Variants in SECISBP2L observed in about 807,000 individuals in gnomAD.
SECISBP2L encodes selenocysteine insertion sequence-binding protein 2-like.
A neutral mutation model predicts 114.7 loss-of-function variants in SECISBP2L; 43 were observed. The ratio of observed to expected loss-of-function variants is 0.38; its 90% confidence interval spans 0.29 to 0.48. SECISBP2L has a LOEUF of 0.48. SECISBP2L is among the 20% of genes least tolerant of loss of function. SECISBP2L has a pLI of 0.98. For missense variants in SECISBP2L, 1,136 were observed against 1,301.1 expected (o/e 0.87, Z 1.95); for synonymous variants, 451 against 439.7 (o/e 1.03, Z -0.32).
At position 48,988,678 on chromosome 15, in the gene SECISBP2L, C is replaced by T. The variant is rs1901909022; in HGVS notation, c.*3566G>A. ...CATTTTATTAGTACAGAAGAATCCC[C>T]ACTAGTATTTACATAGTGCAAAAAA... On this transcript the variant is annotated 3_prime_UTR_variant, in exon 18 of 18. Transcript: ENST00000559471. 1 of 454,068 alleles carries T rather than the reference C, an allele frequency of 2.2e-6. No homozygotes were observed. The highest frequency in any genetic ancestry group is 2.0e-5 in the African/African-American group (1 of 49,882). 28.1% of individuals were successfully genotyped at this position (454,068 alleles called of 1,614,324 possible). A position where few individuals can be genotyped will look rare whatever the true frequency, so the allele number is the denominator to read the frequency against.
chr15:48,998,316 G>A (rs1440474061), intron 16 of SECISBP2L, among the ~76,000 whole-genome samples: 1 of 152,178 alleles, frequency 6.6e-6, no homozygotes, highest in Non-Finnish European at 1.5e-5. Context: ...GATTTTTGAA[G>A]AGTGGTGGGT....
At chr15:48,995,616 A>C (rs1902070689) in intron 17 of SECISBP2L, among the ~76,000 whole-genome samples, 1 of 152,204 alleles carries the variant, frequency 6.6e-6, no homozygotes, top group Non-Finnish European at 1.5e-5. Context: ...ATTTTAAAAA[A>C]AGAAGAAAGG....
intron 1 of SECISBP2L, among the ~76,000 whole-genome samples, chr15:49,045,925 A>G (rs1017933882): frequency 6.6e-6 from 1 of 152,138 alleles, no homozygotes; most frequent in Non-Finnish European, 1.5e-5. Flanking sequence ...CCTTGAAAAC[A>G]CATTCCAGAG....
chr15:49,038,681 T>C lies in SECISBP2L; in HGVS notation c.25-912A>G, dbSNP rs146940333. On this transcript the variant is annotated intron_variant, in intron 1 of 17. Coordinates refer to ENST00000559471, the MANE Select transcript of SECISBP2L (RefSeq NM_001193489.2). ...ACATTGGTTTTATGCAGTTTCTATA[T>C]GTTATAGTTAACAACAAATTTAACA... Among the ~76,000 whole-genome samples the C allele has an allele frequency of 2.3e-4, 35 of 152,264 alleles. 1 individual carries two copies. Among genetic ancestry groups the C allele is most frequent in the African/African-American group, 7.9e-4 (33 of 41,578 alleles).
intron 9 of SECISBP2L, 47 bp from the exon 10 acceptor site, chr15:49,017,062 C>G (rs771929409): frequency 3.8e-6 from 6 of 1,580,922 alleles, no homozygotes; most frequent in Non-Finnish European, 5.2e-6. Context: ...CCATAAAAGT[C>G]AATCATAAGG....
chr15:48,996,303 G>C (rs545927924), intron 17 of SECISBP2L, 64 bp downstream of exon 17: 1 of 1,409,976 alleles, frequency 7.1e-7, no homozygotes, highest in East Asian at 2.3e-5. Context: ...ATAAAAGGTA[G>C]AATAGAAAGT....
At chr15:49,023,912 A>C (rs1165780331) in intron 7 of SECISBP2L, among the ~76,000 whole-genome samples, 1 of 152,236 alleles carries the variant, frequency 6.6e-6, no homozygotes, top group Non-Finnish European at 1.5e-5. Flanking sequence ...GGAGAGGAGA[A>C]GTCAAGGAGA....
rs1902462938 is a variant in SECISBP2L, at chr15:49,012,785, A to G, written c.1594T>C (p.Ser532Pro). ...VTAASFHTKD[S>P]TNRKPLTKSQ... ...TTGGTTAAAGGTTTTCTATTAGTAG[A>G]GTCTTTAGTGTGAAAAGAAGCTGCA... Residue 532 changes from serine to proline, a missense_variant, in exon 12 of 18, where the codon TCT (serine) becomes CCT (proline). Coordinates refer to ENST00000559471, the MANE Select transcript of SECISBP2L (RefSeq NM_001193489.2). The G allele has an allele frequency of 1.2e-6, 2 of 1,613,578 alleles. No homozygotes were observed. The highest frequency in any genetic ancestry group is 2.7e-5 in the African/African-American group (2 of 75,008).
intron 17 of SECISBP2L, among the ~76,000 whole-genome samples, chr15:48,994,303 T>C (rs1207527986): frequency 6.6e-6 from 1 of 152,218 alleles, no homozygotes; most frequent in Non-Finnish European, 1.5e-5. Context: ...CTACTAAATC[T>C]GTTTACTACT....
intron 14 of SECISBP2L, among the ~76,000 whole-genome samples, chr15:49,003,922 A>G (rs1902262213): frequency 6.6e-6 from 1 of 152,152 alleles, no homozygotes. Flanking sequence ...TGTCTCTGCC[A>G]GGTTTTGGTA....
intron 3 of SECISBP2L, among the ~76,000 whole-genome samples, 185 bp from the exon 4 acceptor site, chr15:49,033,285 C>T (rs955460996): frequency 2.6e-5 from 4 of 152,048 alleles, no homozygotes; most frequent in Non-Finnish European, 5.9e-5. Flanking sequence ...GCATACGAGG[C>T]TAAACAATGT....
At chr15:49,007,718 T>C (rs181881036) in intron 14 of SECISBP2L, among the ~76,000 whole-genome samples, 3 of 152,214 alleles carry the variant, frequency 2.0e-5, no homozygotes, top group Non-Finnish European at 4.4e-5. Context: ...AGGAAATATA[T>C]ACAATTTCTA....
rs370194787 is a variant in SECISBP2L, at chr15:48,992,732, C to T, written c.2818G>A (p.Ala940Thr). 7.3e-5 allele frequency: 118 copies of T among 1,614,076 alleles called. No homozygotes were observed. The highest frequency in any genetic ancestry group is 6.5e-4 in the Admixed American group (39 of 60,000). ...GGCTTCACTTCCTCTTTATCACTTG[C>T]TGTGGATTTCCCAGCACTTGTAGCT... ...TSATSAGKST[A>T]SDKEEVKPDD... is the part of the protein sequence containing the mutation. The change falls in exon 18 of 18, where the codon GCA (alanine) becomes ACA (threonine). Residue 940 changes from alanine (A) to threonine (T), a missense_variant. Physicochemically the swap from Ala to Thr is moderately conservative, Grantham distance 58. Around this residue, in one of 2 missense-constraint regions of SECISBP2L, gnomAD observed 684 missense variants for 848.7 expected, o/e 0.81. Transcript: ENST00000559471.
At chr15:49,017,397 GA>G in intron 9 of SECISBP2L, 150 bp downstream of exon 9, 1 of 587,472 alleles carries the variant, frequency 1.7e-6, no homozygotes, top group Non-Finnish European at 3.0e-6. Flanking sequence ...GGCTATGCTG[GA>G]AAAGAAATAT....
Position 48,989,337 on chromosome 15 carries a change from T to C in SECISBP2L, c.*2907A>G, listed in dbSNP as rs1901923862. The C allele has an allele frequency of 6.6e-6, 1 of 152,542 alleles. No individual in the cohort carries two copies. The highest frequency in any genetic ancestry group is 2.4e-5 in the African/African-American group (1 of 41,412). The allele number at this position is 152,542 out of a possible 1,614,324, so 9.4% of individuals were successfully genotyped here. On this transcript the variant is annotated 3_prime_UTR_variant, in exon 18 of 18. Coordinates refer to ENST00000559471, the MANE Select transcript of SECISBP2L (RefSeq NM_001193489.2). ...ATCAGACAAGTACATATTTGGATAT[T>C]AATTTCTCAGTATTTAAACTATGTG...
Position 49,035,491 on chromosome 15 carries a change from T to C in SECISBP2L, c.371A>G (p.His124Arg). ...GTTGGAGTAAGGTGTAGGAAAAGGA[T>C]GATAGAAACCCATAACCTGGGCACA... ...APCAQVMGFY[H>R]PFPTPYSNTF... Residue 124 changes from histidine to arginine, a missense_variant, in exon 3 of 18, where the codon CAT (histidine) becomes CGT (arginine). By Grantham distance (29) the His-to-Arg change is conservative. Coordinates refer to ENST00000559471, the MANE Select transcript of SECISBP2L (RefSeq NM_001193489.2). 1 of 1,614,156 alleles carries C rather than the reference T, an allele frequency of 6.2e-7. No homozygotes were observed.
At position 49,017,159 on chromosome 15, in the gene SECISBP2L, C is replaced by G. The variant is rs1045124619; in HGVS notation, c.1252-144G>C. On this transcript the variant is annotated intron_variant, in intron 9 of 17. Coordinates refer to ENST00000559471, the MANE Select transcript of SECISBP2L (RefSeq NM_001193489.2). ...CAATGTCATAAAGAACAGGATTTGA[C>G]AGTGGGACCATTTCAGACTGGGAAA... is the stretch of plus-strand genomic sequence containing the variant. 6 of 764,786 alleles carry G rather than the reference C, an allele frequency of 7.8e-6. No homozygotes were observed. The African/African-American group carries it at 1.1e-4, about 14-fold the overall frequency. The allele number at this position is 764,786 out of a possible 1,614,324, so 47.4% of individuals were successfully genotyped here.
At chr15:49,008,415 A>C (rs1300560574) in intron 14 of SECISBP2L, among the ~76,000 whole-genome samples, 1 of 152,194 alleles carries the variant, frequency 6.6e-6, no homozygotes, top group African/African-American at 2.4e-5. Context: ...AATTTTCTTC[A>C]TTCTTTTTTT....
intron 4 of SECISBP2L, among the ~76,000 whole-genome samples, chr15:49,030,997 A>C (rs894373284): frequency 7.3e-6 from 1 of 136,118 alleles, no homozygotes; most frequent in Admixed American, 7.2e-5. Flanking sequence ...CATGATATTT[A>C]GGTTTTTCTT....
Sources: gnomAD v4.1 joint callset for allele counts (sites outside exome capture counted in the v4.1 genomes callset) on GRCh38, gnomAD v4.1.1 for gene constraint, gnomAD v4.1.1 regional missense constraint, MANE v1.5 for transcripts, NCBI Gene and HGNC (gene_info 2026-07-23, HGNC 2026-07-21) for gene names.